Variants in BANK1 observed in about 807,000 individuals in gnomAD.
BANK1 encodes the protein B-cell scaffold protein with ankyrin repeats.
In BANK1, 95 loss-of-function variants were observed where a neutral mutation model predicts 94.5. That is an observed-to-expected ratio of 1.00 (90% CI 0.85 to 1.19). The LOEUF is 1.19. Ranked by LOEUF, BANK1 falls within the 50% of genes most tolerant of loss-of-function variation. BANK1 has a pLI of 0.00. For synonymous variants in BANK1, 334 were observed against 308.4 expected, an observed-to-expected ratio of 1.08 and a Z score of -0.87; for missense variants, 987 against 932.2, an observed-to-expected ratio of 1.06 and a Z score of -0.77.
intron 2 of BANK1, among the ~76,000 whole-genome samples, chr4:101,851,741 T>C (rs1727484861): frequency 6.6e-6 from 1 of 152,156 alleles, no homozygotes; most frequent in South Asian, 2.1e-4. Context: ...CTGTTGTCTT[T>C]GGGAAGGGTG....
At chr4:102,023,268 C>T (rs1726975953) in intron 8 of BANK1, among the ~76,000 whole-genome samples, 1 of 152,078 alleles carries the variant, frequency 6.6e-6, no homozygotes, top group Admixed American at 6.6e-5. Flanking sequence ...AATTAGTAAA[C>T]TCTTCAAGTT....
rs149302668 is a variant in BANK1, at chr4:102,034,153, G to A, written c.1900+3888G>A. ...CCATTGCTTGCCAGAGCCCAAAAAT[G>A]GTATCAGTATATTGGTGTATTCAGG... On this transcript the variant is annotated intron_variant, in intron 10 of 16. Coordinates refer to ENST00000322953, the MANE Select transcript of BANK1 (RefSeq NM_017935.5). Among the ~76,000 whole-genome samples the A allele has an allele frequency of 7.4e-3, 1,126 of 152,142 alleles. 11 individuals carry two copies. The highest frequency in any genetic ancestry group is 0.054 in the Middle Eastern group (16 of 294).
chr4:102,072,247 T>C (rs1394205816), intron 14 of BANK1, 98 bp from the exon 15 acceptor site: 1 of 1,067,072 alleles, frequency 9.4e-7, no homozygotes, highest in African/African-American at 1.6e-5. Flanking sequence ...TTCACCCATA[T>C]CTTACCTTTG....
intron 2 of BANK1, among the ~76,000 whole-genome samples, chr4:101,850,247 C>A (rs972358615): frequency 1.3e-5 from 2 of 151,812 alleles, no homozygotes; most frequent in African/African-American, 4.8e-5. Context: ...GTTTGGGTGT[C>A]TTTTTGTTTG....
chr4:101,793,259 T>C (rs897834664), intron 1 of BANK1, among the ~76,000 whole-genome samples: 1 of 152,212 alleles, frequency 6.6e-6, no homozygotes, highest in African/African-American at 2.4e-5. Context: ...TCTTAAAGAT[T>C]TGAAGCTTTT....
intron 2 of BANK1, among the ~76,000 whole-genome samples, chr4:101,843,743 C>T (rs1727143653): frequency 6.6e-6 from 1 of 151,928 alleles, no homozygotes; most frequent in Admixed American, 6.6e-5. Context: ...GGTGAAACCC[C>T]ATCTCTACTA....
chr4:101,878,148 A>C (rs1728557687), intron 5 of BANK1, among the ~76,000 whole-genome samples: 2 of 152,168 alleles, frequency 1.3e-5, no homozygotes, highest in African/African-American at 4.8e-5. Context: ...TCTTCAATCA[A>C]AAGACAGAAT....
rs76745970 is a variant in BANK1, at chr4:102,030,176, G to T, written c.1811G>T (p.Arg604Leu). 59 of 1,613,810 alleles carry T rather than the reference G, an allele frequency of 3.7e-5. No individual in the cohort carries two copies. The highest frequency in any genetic ancestry group is 2.2e-4 in the East Asian group (10 of 44,856). The part of the protein sequence containing the change: ...NLSIKKKTGS[R>L]SFIINRPPAP... ...AGTATAAAGAAAAAAACTGGGAGTC[G>T]GTCTTTCATTATAAATAGACCTCCT... Residue 604 changes from arginine to leucine, a missense_variant, in exon 10 of 17, where the codon CGG becomes CTG. By Grantham distance (102) the Arg-to-Leu change is moderately radical. Coordinates refer to ENST00000322953, the MANE Select transcript of BANK1 (RefSeq NM_017935.5).
intron 5 of BANK1, among the ~76,000 whole-genome samples, chr4:101,890,864 T>C (rs1346417473): frequency 1.3e-5 from 2 of 151,904 alleles, no homozygotes; most frequent in East Asian, 3.9e-4. Flanking sequence ...ACAAAACTTA[T>C]AGTCTAGCGC....
At chr4:101,961,719 A>G (rs1724575992) in intron 7 of BANK1, among the ~76,000 whole-genome samples, 2 of 152,192 alleles carry the variant, frequency 1.3e-5, no homozygotes, top group South Asian at 2.1e-4. Flanking sequence ...AGAGAAATGT[A>G]TCTCATATCA....
chr4:101,837,098 G>A (rs954532884), intron 2 of BANK1, among the ~76,000 whole-genome samples: 9 of 152,124 alleles, frequency 5.9e-5, no homozygotes, highest in African/African-American at 2.2e-4. Flanking sequence ...AAAGTAGCAG[G>A]CAAGGCCTCT....
intron 8 of BANK1, among the ~76,000 whole-genome samples, chr4:102,024,989 A>G (rs1727034479): frequency 2.0e-5 from 3 of 152,226 alleles, no homozygotes; most frequent in Admixed American, 6.5e-5. Flanking sequence ...ATAGCAAGAC[A>G]TAATGGAGCT....
At chr4:101,852,583 T>G (rs1015678878) in intron 2 of BANK1, among the ~76,000 whole-genome samples, 1 of 149,588 alleles carries the variant, frequency 6.7e-6, no homozygotes. Flanking sequence ...ATATGTACAG[T>G]TTTTATTTTA....
intron 7 of BANK1, among the ~76,000 whole-genome samples, chr4:101,945,711 G>GAAC (rs1403621514): frequency 1.7e-4 from 26 of 151,786 alleles, no homozygotes; most frequent in Non-Finnish European, 7.4e-5. Flanking sequence ...TGAGTATTTA[G>GAAC]AACCACGTCT....
chr4:101,973,073 A>G (rs989159481), intron 7 of BANK1, among the ~76,000 whole-genome samples: 3 of 151,886 alleles, frequency 2.0e-5, no homozygotes, highest in African/African-American at 7.2e-5. Flanking sequence ...TTTTAGCTCT[A>G]TTACCCAACG....
Position 101,936,387 on chromosome 4 carries a change from A to G in BANK1, c.1206+18198A>G, listed in dbSNP as rs114087030. Among the ~76,000 whole-genome samples the G allele has an allele frequency of 9.2e-4, 139 of 150,284 alleles. 1 individual carries two copies. Among genetic ancestry groups the G allele is most frequent in the African/African-American group, 3.1e-3 (128 of 41,206 alleles). ...TGCATATATGTGTGCATACATGCAT[A>G]CATGCATGTATATATGTGCGTATGC... On this transcript the variant is annotated intron_variant, in intron 7 of 16. Coordinates refer to ENST00000322953, the MANE Select transcript of BANK1 (RefSeq NM_017935.5).
At chr4:101,875,147 G>C (rs879291369) in intron 5 of BANK1, among the ~76,000 whole-genome samples, 10 of 152,108 alleles carry the variant, frequency 6.6e-5, no homozygotes, top group Admixed American at 6.5e-4. Context: ...TGAAGAGGTA[G>C]GAAAAAATCT....
chr4:101,923,494 T>G (rs1180251166), intron 7 of BANK1, among the ~76,000 whole-genome samples: 1 of 151,842 alleles, frequency 6.6e-6, no homozygotes, highest in Non-Finnish European at 1.5e-5. Flanking sequence ...TTGACATTGC[T>G]TTCTTTGACC....
At chr4:102,051,264 C>A (rs1046956691) in intron 11 of BANK1, among the ~76,000 whole-genome samples, 2 of 152,114 alleles carry the variant, frequency 1.3e-5, no homozygotes, top group Admixed American at 1.3e-4. Context: ...AAAATGTGGT[C>A]ATTTGTACTC....
Sources: gnomAD v4.1 joint callset for allele counts (sites outside exome capture counted in the v4.1 genomes callset) on GRCh38, gnomAD v4.1.1 for gene constraint, MANE v1.5 for transcripts, NCBI Gene and HGNC (gene_info 2026-07-23, HGNC 2026-07-21) for gene names.